The following ZNF423 variants were observed in gnomAD, a reference collection of about 807,000 sequenced individuals.
ZNF423 encodes the protein Ebf-associated zinc finger protein.
ZNF423 carries 12 observed loss-of-function variants against 95.8 expected under a neutral mutation model. That is an observed-to-expected ratio of 0.13 (90% CI 0.08 to 0.20). The LOEUF (loss-of-function observed/expected upper bound fraction) is 0.20. Among genes scored for constraint, ZNF423 ranks in the 10% least tolerant of loss-of-function variants. The probability of loss-of-function intolerance (pLI) is 1.00; values close to 1 mark genes in which losing one functional copy is unlikely to be tolerated. For missense variants in ZNF423, 1,316 were observed against 1,737.1 expected (o/e 0.76, Z 4.31); for synonymous variants, 749 against 711.9 (o/e 1.05, Z -0.83).
At position 49,568,072 on chromosome 16, in the gene ZNF423, G is replaced by T. The variant is rs193190400; in HGVS notation, c.3602-42578C>A. On this transcript the variant is annotated intron_variant, in intron 5 of 7. Coordinates refer to ENST00000563137, the MANE Select transcript of ZNF423 (RefSeq NM_001379286.1). Reference sequence around the variant, plus strand: ...CCAATTAGTGTATTCCATGTCTCTGGATAAAGAGACTGGGTCAGGGATGAG... The same window carrying T: ...CCAATTAGTGTATTCCATGTCTCTGTATAAAGAGACTGGGTCAGGGATGAG... Among the ~76,000 whole-genome samples the T allele has an allele frequency of 4.5e-3, 687 of 152,198 alleles. 6 individuals carry two copies. Among genetic ancestry groups the T allele is most frequent in the Non-Finnish European group, 7.4e-3 (506 of 68,002 alleles).
chr16:49,533,526 A>C (rs1296478110), intron 5 of ZNF423, among the ~76,000 whole-genome samples: 1 of 152,216 alleles, frequency 6.6e-6, no homozygotes, highest in Non-Finnish European at 1.5e-5. Context: ...AACTGCTCCC[A>C]AGAGCCATGT....
At chr16:49,602,162 C>G (rs916368446) in intron 5 of ZNF423, among the ~76,000 whole-genome samples, 1 of 152,228 alleles carries the variant, frequency 6.6e-6, no homozygotes, top group Non-Finnish European at 1.5e-5. Context: ...CTGGAAGCCC[C>G]GAAATAACAG....
chr16:49,556,596 TC>T (rs1223005144), intron 5 of ZNF423, among the ~76,000 whole-genome samples: 1 of 152,072 alleles, frequency 6.6e-6, no homozygotes, highest in African/African-American at 2.4e-5. Flanking sequence ...CTCTGCAGCC[TC>T]CCCCTACCCC....
At chr16:49,659,147 G>T (rs138964214) in intron 3 of ZNF423, among the ~76,000 whole-genome samples, 2 of 152,174 alleles carry the variant, frequency 1.3e-5, no homozygotes, top group African/African-American at 4.8e-5. Flanking sequence ...GCAGTGCAGT[G>T]GCGCAATCAT....
intron 5 of ZNF423, among the ~76,000 whole-genome samples, chr16:49,540,602 T>G (rs1969216879): frequency 6.6e-6 from 1 of 152,188 alleles, no homozygotes; most frequent in Non-Finnish European, 1.5e-5. Context: ...ACTCAGATTT[T>G]GGGGGAAAAA....
intron 3 of ZNF423, among the ~76,000 whole-genome samples, chr16:49,661,008 G>T (rs1316541376): frequency 1.3e-5 from 2 of 152,066 alleles, no homozygotes; most frequent in African/African-American, 4.8e-5. Context: ...ATCACCTGAG[G>T]TTAGGCGTTC....
In ZNF423 at chr16:49,827,274, C is replaced by T. The variant is rs1470402038; in HGVS notation, c.40+28461G>A. The stretch of plus-strand genomic sequence containing the variant: ...CCGCCTCATCCCTCCTCAAACACAC[C>T]AGACAGTCTTCACCAGTTCCCCCAC... On this transcript the variant is annotated intron_variant, in intron 1 of 7. Coordinates refer to ENST00000563137, the MANE Select transcript of ZNF423 (RefSeq NM_001379286.1). Among the ~76,000 whole-genome samples, 4 of 152,060 alleles carry T rather than the reference C, an allele frequency of 2.6e-5. No homozygotes were observed. The East Asian group carries it at 5.8e-4, about 22-fold the overall frequency.
intron 1 of ZNF423, among the ~76,000 whole-genome samples, chr16:49,815,881 A>AATATATATAT (rs1169322824): frequency 1.1e-4 from 5 of 47,606 alleles, no homozygotes; most frequent in East Asian, 8.6e-4. Flanking sequence ...AAAAAAAAAA[A>AATATATATAT]ATATATATAT....
intron 2 of ZNF423, among the ~76,000 whole-genome samples, chr16:49,787,942 A>G (rs1442746781): frequency 6.6e-6 from 1 of 152,172 alleles, no homozygotes; most frequent in Non-Finnish European, 1.5e-5. Context: ...GGAGGACTAC[A>G]TGTCTGAGAC....
At chr16:49,713,232 C>T (rs1259295151) in intron 3 of ZNF423, among the ~76,000 whole-genome samples, 1 of 152,216 alleles carries the variant, frequency 6.6e-6, no homozygotes, top group Non-Finnish European at 1.5e-5. Context: ...GCACCACCCA[C>T]TCCCCCACAC....
chr16:49,521,899 C>G (rs1398336462), intron 7 of ZNF423, among the ~76,000 whole-genome samples: 2 of 152,230 alleles, frequency 1.3e-5, no homozygotes, highest in Admixed American at 6.5e-5. Flanking sequence ...TGCATATCCT[C>G]CAGGCAACAG....
intron 5 of ZNF423, among the ~76,000 whole-genome samples, chr16:49,530,629 T>C (rs903891740): frequency 3.9e-5 from 6 of 152,110 alleles, no homozygotes; most frequent in African/African-American, 1.4e-4. Context: ...TGCTGGTAAA[T>C]GCCATCACTA....
intron 7 of ZNF423, chr16:49,518,580 C>T: frequency 2.4e-6 from 1 of 419,276 alleles, no homozygotes; most frequent in Non-Finnish European, 4.6e-6. Context: ...TCAGATGTTC[C>T]ATTGCAAAAA....
intron 1 of ZNF423, among the ~76,000 whole-genome samples, chr16:49,811,108 G>A (rs2034744570): frequency 6.6e-6 from 1 of 152,194 alleles, no homozygotes; most frequent in South Asian, 2.1e-4. Flanking sequence ...CTGGCTGTGT[G>A]GCCTCAAGGG....
intron 5 of ZNF423, among the ~76,000 whole-genome samples, chr16:49,563,785 T>C (rs922646361): frequency 1.3e-5 from 2 of 152,118 alleles, no homozygotes; most frequent in Non-Finnish European, 2.9e-5. Flanking sequence ...AACATACACA[T>C]CCCACTGGTA....
intron 6 of ZNF423, among the ~76,000 whole-genome samples, chr16:49,524,192 T>G (rs1434550413): frequency 6.6e-6 from 1 of 152,184 alleles, no homozygotes; most frequent in Non-Finnish European, 1.5e-5. Context: ...CCCCATTTTA[T>G]ACAAGAGAAA....
chr16:49,766,952 C>CTTTTT (rs922129379), intron 2 of ZNF423, among the ~76,000 whole-genome samples: 1 of 151,174 alleles, frequency 6.6e-6, no homozygotes, highest in East Asian at 1.9e-4. Context: ...GAACCCAATT[C>CTTTTT]TTTTTTTTTC....
At chr16:49,531,275 G>A (rs912767648) in intron 5 of ZNF423, among the ~76,000 whole-genome samples, 4 of 151,546 alleles carry the variant, frequency 2.6e-5, no homozygotes, top group East Asian at 1.9e-4. Flanking sequence ...GACAGCCTGC[G>A]GCCTGCGCAT....
intron 1 of ZNF423, among the ~76,000 whole-genome samples, chr16:49,831,329 C>T (rs975534155): frequency 1.3e-5 from 2 of 152,082 alleles, no homozygotes; most frequent in African/African-American, 4.8e-5. Context: ...TCTTCAAGAA[C>T]CCTAGGAAAT....
Sources: gnomAD v4.1 joint callset for allele counts (sites outside exome capture counted in the v4.1 genomes callset) on GRCh38, gnomAD v4.1.1 for gene constraint, MANE v1.5 for transcripts, NCBI Gene and HGNC (gene_info 2026-07-23, HGNC 2026-07-21) for gene names.